TRDMT1: variants seen among roughly 807,000 people sequenced by gnomAD.
TRDMT1 encodes tRNA aspartic acid methyltransferase 1.
TRDMT1 carries 49 observed loss-of-function variants against 51.2 expected under a neutral mutation model. That is an observed-to-expected ratio of 0.96 (90% CI 0.76 to 1.21). TRDMT1 has a LOEUF of 1.21. TRDMT1 is among the 50% of genes most tolerant of loss of function. TRDMT1 has a pLI of 0.00. For missense variants in TRDMT1, 534 were observed against 462.3 expected (o/e 1.16, Z -1.42); for synonymous variants, 187 against 164.6 (o/e 1.14, Z -1.04).
chr10:17,194,949 C>CAAAGAAA (rs1845197140), intron 1 of TRDMT1, among the ~76,000 whole-genome samples: 1 of 85,286 alleles, frequency 1.2e-5, no homozygotes, highest in Non-Finnish European at 2.7e-5. Flanking sequence ...AAAAAAAAGT[C>CAAAGAAA]AAAAAAAAAA....
intron 1 of TRDMT1, 100 bp downstream of exon 1, chr10:17,201,471 G>C: frequency 7.6e-7 from 1 of 1,308,142 alleles, no homozygotes; most frequent in Non-Finnish European, 1.1e-6. Context: ...GCCCCACAGT[G>C]TCCGCCCCTT....
chr10:17,145,450 T>A lies in TRDMT1; in HGVS notation c.*3590A>T, dbSNP rs1243674482. The A allele has an allele frequency of 1.0e-6, 1 of 985,408 alleles. No homozygotes were observed. Among genetic ancestry groups the A allele is most frequent in the Non-Finnish European group, 1.2e-6 (1 of 829,938 alleles). The allele number at this position is 985,408 out of a possible 1,614,324, so 61.0% of individuals were successfully genotyped here. On this transcript the variant is annotated 3_prime_UTR_variant, in exon 11 of 11. Coordinates refer to ENST00000377799, the MANE Select transcript of TRDMT1 (RefSeq NM_004412.7). ...AGTAGACAGAGGTCCAAAGGCCATG[T>A]CTTTAAAAATTATATAATCTCAATG...
chr10:17,164,164 T>TC (rs1158290892), intron 3 of TRDMT1, among the ~76,000 whole-genome samples: 3 of 152,136 alleles, frequency 2.0e-5, no homozygotes, highest in Admixed American at 1.3e-4. Flanking sequence ...AAAAAGCTTA[T>TC]CCACCATGAT....
chr10:17,174,678 G>A lies in TRDMT1; in HGVS notation c.65-18C>T, dbSNP rs1210906925. 6.4e-7 allele frequency: 1 copy of A among 1,572,364 alleles called. No individual in the cohort carries two copies. The highest frequency in any genetic ancestry group is 1.4e-5 in the African/African-American group (1 of 73,942). On this transcript the variant is annotated intron_variant, in intron 1 of 10. Coordinates refer to ENST00000377799, the MANE Select transcript of TRDMT1 (RefSeq NM_004412.7). Reference sequence around the variant, plus strand: ...ACAGCTTTCTGTAATGATAAATGGAGTATCTTGAAAAGAAAAGTCCTTAAG... The same window carrying A: ...ACAGCTTTCTGTAATGATAAATGGAATATCTTGAAAAGAAAAGTCCTTAAG...
intron 3 of TRDMT1, among the ~76,000 whole-genome samples, chr10:17,167,702 T>C (rs1320400745): frequency 6.6e-6 from 1 of 152,220 alleles, no homozygotes; most frequent in Admixed American, 6.5e-5. Flanking sequence ...TTATTCAATG[T>C]ACATATGAAT....
At chr10:17,181,063 C>T (rs57094675) in intron 1 of TRDMT1, among the ~76,000 whole-genome samples, 20,802 of 151,990 alleles carry the variant, frequency 0.14, 1,511 homozygotes, top group Admixed American at 0.17. Flanking sequence ...CTTCAATAAC[C>T]AAACATCAAA....
intron 3 of TRDMT1, among the ~76,000 whole-genome samples, chr10:17,168,306 A>T (rs1187222085): frequency 6.6e-6 from 1 of 152,116 alleles, no homozygotes; most frequent in Non-Finnish European, 1.5e-5. Context: ...CTGTCCCAAT[A>T]ATTATTATTA....
In TRDMT1 at chr10:17,143,113, A is replaced by G; in HGVS notation, c.*5927T>C. ...TTCCTCTGGGCATGGAAGAAGTGGCAGTAACAGACAAATTAAATAGTTTTC... is the reference window on the plus strand; with the variant it reads ...TTCCTCTGGGCATGGAAGAAGTGGCGGTAACAGACAAATTAAATAGTTTTC... On this transcript the variant is annotated 3_prime_UTR_variant, in exon 11 of 11. Transcript: ENST00000377799. 2 of 985,470 alleles carry G rather than the reference A, an allele frequency of 2.0e-6. No individual in the cohort carries two copies. The highest frequency in any genetic ancestry group is 2.4e-6 in the Non-Finnish European group (2 of 829,936). The allele number at this position is 985,470 out of a possible 1,614,324, so 61.0% of individuals were successfully genotyped here.
Position 17,154,751 on chromosome 10 carries a change from A to G in TRDMT1, c.888-17T>C. On this transcript the variant is annotated splice_polypyrimidine_tract_variant and intron_variant, in intron 8 of 10. Transcript: ENST00000377799. The stretch of plus-strand genomic sequence containing the variant: ...CTTCCATATCTGAAAAATCAACACA[A>G]CAATTATGCAGCACCTGATGTATGT... The G allele has an allele frequency of 6.3e-7, 1 of 1,594,382 alleles. No homozygotes were observed. Among genetic ancestry groups the G allele is most frequent in the East Asian group, 2.3e-5 (1 of 43,716 alleles).
chr10:17,193,947 T>C (rs1845038606), intron 1 of TRDMT1, among the ~76,000 whole-genome samples: 1 of 152,138 alleles, frequency 6.6e-6, no homozygotes, highest in Non-Finnish European at 1.5e-5. Context: ...AGCATGGTAC[T>C]GGTACAAAAC....
intron 3 of TRDMT1, among the ~76,000 whole-genome samples, chr10:17,164,670 G>C (rs1840916705): frequency 6.6e-6 from 1 of 152,134 alleles, no homozygotes. Context: ...CTTCAGCAAA[G>C]TCTCAGGATA....
At chr10:17,190,844 A>C (rs1174618054) in intron 1 of TRDMT1, among the ~76,000 whole-genome samples, 1 of 152,248 alleles carries the variant, frequency 6.6e-6, no homozygotes, top group African/African-American at 2.4e-5. Flanking sequence ...TGGAGCCTAC[A>C]TTCTAGAGGA....
intron 1 of TRDMT1, among the ~76,000 whole-genome samples, chr10:17,195,464 G>C (rs1315847515): frequency 2.0e-5 from 3 of 152,056 alleles, no homozygotes; most frequent in Non-Finnish European, 4.4e-5. Context: ...AGAGAGAAGG[G>C]GGGCAGCAAA....
chr10:17,190,906 T>C (rs2131600560), intron 1 of TRDMT1, among the ~76,000 whole-genome samples: 1 of 152,214 alleles, frequency 6.6e-6, no homozygotes, highest in East Asian at 1.9e-4. Context: ...CAATAAAAAG[T>C]ACTATGGAGA....
At position 17,201,562 on chromosome 10, in the gene TRDMT1, G is replaced by C. The variant is rs1418130145; in HGVS notation, c.64+9C>G. 6.5e-7 allele frequency: 1 copy of C among 1,549,280 alleles called. No homozygotes were observed. The highest frequency in any genetic ancestry group is 8.7e-7 in the Non-Finnish European group (1 of 1,145,902). On this transcript the variant is annotated intron_variant, in intron 1 of 10. Transcript: ENST00000377799. ...CGAATAGAGAGAGGGGTGCTAGATG[G>C]ACTCTCACCTCTCAGCGCGTGGTGC...
Position 17,201,621 on chromosome 10 carries a change from C to T in TRDMT1, c.14G>A (p.Arg5Gln). The T allele has an allele frequency of 6.5e-7, 1 of 1,545,480 alleles. No homozygotes were observed. The highest frequency in any genetic ancestry group is 8.7e-7 in the Non-Finnish European group (1 of 1,144,878). Residue 5 changes from arginine (R) to glutamine (Q), a missense_variant, in exon 1 of 11, where the codon CGG becomes CAG. Physicochemically the swap from Arg to Gln is conservative, Grantham distance 43 (BLOSUM62 1). Coordinates refer to ENST00000377799, the MANE Select transcript of TRDMT1 (RefSeq NM_004412.7). ...CACGCCGCTGTATAGCTCCAGCACCCGCAGGGGCTCCATCCCCGCGCCTCA... is the reference window on the plus strand; with the variant it reads ...CACGCCGCTGTATAGCTCCAGCACCTGCAGGGGCTCCATCCCCGCGCCTCA... MEPLRVLELYSGVGG... is the reference protein window; with the variant it reads MEPLQVLELYSGVGG...
Position 17,145,321 on chromosome 10 carries a change from AG to A in TRDMT1, c.*3718del. 3 of 985,564 alleles carry A rather than the reference AG, an allele frequency of 3.0e-6. No homozygotes were observed. Among genetic ancestry groups the A allele is most frequent in the Non-Finnish European group, 3.6e-6 (3 of 830,038 alleles). The allele number at this position is 985,564 out of a possible 1,614,324, so 61.1% of individuals were successfully genotyped here. ...AAACTCTCAAATGAAAGGCATAACTAGACATCTTGGTGGGTGTGACAGAGGT... is the reference window on the plus strand; with the variant it reads ...AAACTCTCAAATGAAAGGCATAACTAACATCTTGGTGGGTGTGACAGAGGT... On this transcript the variant is annotated 3_prime_UTR_variant, in exon 11 of 11. Transcript: ENST00000377799.
intron 1 of TRDMT1, among the ~76,000 whole-genome samples, chr10:17,180,921 A>AT (rs1843206427): frequency 6.6e-6 from 1 of 152,320 alleles, no homozygotes; most frequent in South Asian, 2.1e-4. Flanking sequence ...TTTGAAGTAA[A>AT]TTTTACATCA....
At chr10:17,169,006 T>A in intron 2 of TRDMT1, 89 bp from the exon 3 acceptor site, 1 of 852,946 alleles carries the variant, frequency 1.2e-6, no homozygotes, top group Non-Finnish European at 1.8e-6. Flanking sequence ...ATTAAATATA[T>A]CAGAAACTGA....
Sources: gnomAD v4.1 joint callset for allele counts (sites outside exome capture counted in the v4.1 genomes callset) on GRCh38, gnomAD v4.1.1 for gene constraint, MANE v1.5 for transcripts, NCBI Gene and HGNC (gene_info 2026-07-23, HGNC 2026-07-21) for gene names.